ST18: variants seen among roughly 807,000 people sequenced by gnomAD.
ST18 encodes the protein ST18 C2H2C-type zinc finger transcription factor.
In ST18, 50 loss-of-function variants were observed where a neutral mutation model predicts 110.0. The observed-to-expected ratio is 0.45, with a 90% CI of 0.36 to 0.58. The LOEUF is 0.58. Among genes scored for constraint, ST18 ranks in the 20% least tolerant of loss-of-function variants. The probability of loss-of-function intolerance (pLI) is 0.00; values close to 1 mark genes in which losing one functional copy is unlikely to be tolerated. For missense variants in ST18, 1,306 were observed against 1,280.1 expected (o/e 1.02, Z -0.31); for synonymous variants, 461 against 452.4 (o/e 1.02, Z -0.24).
chr8:52,126,000 G>C (rs1203585007), intron 23 of ST18, 52 bp downstream of exon 23: 1 of 1,446,696 alleles, frequency 6.9e-7, no homozygotes, highest in Non-Finnish European at 9.6e-7. Flanking sequence ...GCTTTGGGGA[G>C]CCAGGGTCTA....
chr8:52,315,755 T>C (rs2096013460), intron 2 of ST18, among the ~76,000 whole-genome samples: 1 of 152,240 alleles, frequency 6.6e-6, no homozygotes, highest in Non-Finnish European at 1.5e-5. Flanking sequence ...CTTAGCTATA[T>C]AGCTGTCAAG....
chr8:52,187,125 C>A (rs373793731), intron 8 of ST18, among the ~76,000 whole-genome samples: 11 of 152,024 alleles, frequency 7.2e-5, no homozygotes, highest in African/African-American at 2.7e-4. Flanking sequence ...CTTTGATTAC[C>A]GAAAGTATTT....
chr8:52,368,406 C>A (rs768605112), intron 2 of ST18, among the ~76,000 whole-genome samples: 3 of 152,114 alleles, frequency 2.0e-5, no homozygotes, highest in Non-Finnish European at 4.4e-5. Context: ...GCTTAGAAAT[C>A]AAAATTCTGG....
At chr8:52,297,232 G>A (rs1315249085) in intron 2 of ST18, among the ~76,000 whole-genome samples, 1 of 152,166 alleles carries the variant, frequency 6.6e-6, no homozygotes, top group Non-Finnish European at 1.5e-5. Context: ...CCAGCTTCCA[G>A]GCCCTGTCAT....
At chr8:52,132,815 A>T (rs764690474) in intron 21 of ST18, among the ~76,000 whole-genome samples, 2 of 152,196 alleles carry the variant, frequency 1.3e-5, no homozygotes, top group Non-Finnish European at 2.9e-5. Flanking sequence ...CTTTAAAACA[A>T]TTGAGAAATG....
At chr8:52,372,691 C>A (rs968317112) in intron 2 of ST18, among the ~76,000 whole-genome samples, 4 of 152,226 alleles carry the variant, frequency 2.6e-5, no homozygotes, top group Non-Finnish European at 5.9e-5. Context: ...GCATGCTGTA[C>A]ATGTACAGGT....
At chr8:52,126,354 A>G (rs1242091448) in intron 22 of ST18, among the ~76,000 whole-genome samples, 2 of 152,228 alleles carry the variant, frequency 1.3e-5, no homozygotes, top group East Asian at 1.9e-4. Flanking sequence ...CTTTCCTTAA[A>G]TCAAGGTACA....
chr8:52,359,955 G>A (rs1314161843), intron 2 of ST18, among the ~76,000 whole-genome samples: 1 of 152,076 alleles, frequency 6.6e-6, no homozygotes, highest in African/African-American at 2.4e-5. Flanking sequence ...AATAGATATA[G>A]CAACAAATAG....
intron 10 of ST18, among the ~76,000 whole-genome samples, chr8:52,170,638 A>T (rs912052982): frequency 6.6e-6 from 1 of 152,118 alleles, no homozygotes; most frequent in Non-Finnish European, 1.5e-5. Context: ...GTTGCACATT[A>T]GTGGGAGTGC....
intron 22 of ST18, 40 bp from the exon 23 acceptor site, chr8:52,126,180 T>G (rs1426286659): frequency 1.3e-6 from 2 of 1,560,756 alleles, no homozygotes; most frequent in Non-Finnish European, 1.8e-6. Context: ...GAAATGTATA[T>G]GATTTCTTAT....
chr8:52,315,495 T>C (rs2096007849), intron 2 of ST18, among the ~76,000 whole-genome samples: 2 of 152,248 alleles, frequency 1.3e-5, no homozygotes, highest in African/African-American at 4.8e-5. Context: ...TTATCCACCT[T>C]AACCTGTTGG....
At chr8:52,113,954 G>GTTTTGTTTT in intron 25 of ST18, among the ~76,000 whole-genome samples, 1 of 45,442 alleles carries the variant, frequency 2.2e-5, no homozygotes, top group South Asian at 1.6e-3. Context: ...TTCATACCGT[G>GTTTTGTTTT]TTTTTTTTTT....
chr8:52,378,788 T>C (rs546096794), intron 2 of ST18, among the ~76,000 whole-genome samples: 6 of 152,310 alleles, frequency 3.9e-5, no homozygotes, highest in Admixed American at 2.0e-4. Context: ...TAAAATGTTA[T>C]TTTCCCATTC....
Position 52,118,338 on chromosome 8 carries a change from C to G in ST18, c.2859G>C (p.Gln953His). The part of the protein sequence containing the change: ...IEADMMKLQT[Q>H]ITSMESNLKT... ...ATCATGAATTACTTCTTTTTTTTAC[C>G]TGGGTCTGAAGTTTCATCATATCTG... Residue 953 changes from glutamine (Q) to histidine (H), a missense_variant and splice_region_variant, in exon 24 of 26, where the codon CAG becomes CAC. Gln to His is a conservative substitution (Grantham distance 24). Transcript: ENST00000689386. 1 of 1,579,474 alleles carries G rather than the reference C, an allele frequency of 6.3e-7. No homozygotes were observed. The highest frequency in any genetic ancestry group is 8.6e-7 in the Non-Finnish European group (1 of 1,161,270).
At chr8:52,365,396 A>C (rs1044843810) in intron 2 of ST18, among the ~76,000 whole-genome samples, 1 of 152,252 alleles carries the variant, frequency 6.6e-6, no homozygotes. Context: ...AAAACGGAGG[A>C]TATGTTTTAC....
At chr8:52,262,384 A>T (rs2094722434) in intron 2 of ST18, among the ~76,000 whole-genome samples, 1 of 152,196 alleles carries the variant, frequency 6.6e-6, no homozygotes, top group African/African-American at 2.4e-5. Context: ...GCAGCAGTAT[A>T]TGTATATGGA....
intron 11 of ST18, 77 bp downstream of exon 11, chr8:52,166,775 A>C: frequency 7.2e-7 from 1 of 1,386,446 alleles, no homozygotes; most frequent in Non-Finnish European, 9.5e-7. Flanking sequence ...CTAATTCCAA[A>C]TTGGGAGACA....
chr8:52,130,784 G>C (rs75990488), intron 22 of ST18, among the ~76,000 whole-genome samples: 592 of 152,180 alleles, frequency 3.9e-3, no homozygotes, highest in Non-Finnish European at 7.1e-3. Context: ...CTTCATTATT[G>C]CTAACTGAGG....
intron 22 of ST18, among the ~76,000 whole-genome samples, chr8:52,130,165 A>AAGAAAGAAAGAAAGAG (rs753293510): frequency 8.4e-6 from 1 of 119,656 alleles, no homozygotes. Context: ...GAAAGAAAGA[A>AAGAAAGAAAGAAAGAG]AAAGAAAAGA....
Sources: allele counts gnomAD v4.1 joint callset (sites outside exome capture counted in the v4.1 genomes callset), GRCh38; gene constraint gnomAD v4.1.1; transcripts MANE v1.5; gene names NCBI Gene and HGNC (gene_info 2026-07-23, HGNC 2026-07-21).